CNOT6L: variants seen among roughly 807,000 people sequenced by gnomAD.
CNOT6L encodes CCR4-NOT transcription complex subunit 6-like.
In CNOT6L, 7 loss-of-function variants were observed where a neutral mutation model predicts 64.0. That is an observed-to-expected ratio of 0.11 (90% CI 0.06 to 0.21). The LOEUF (loss-of-function observed/expected upper bound fraction) is 0.21. CNOT6L is among the 10% of genes least tolerant of loss of function. The pLI is 1.00. For missense variants in CNOT6L, 245 were observed against 669.0 expected (o/e 0.37, Z 6.99); for synonymous variants, 193 against 243.4 (o/e 0.79, Z 1.93).
rs1160682604 is a variant in CNOT6L at position 77,715,994 on chromosome 4, CT to C, written c.*4436del. 3.9e-5 allele frequency: 6 copies of C among 152,508 alleles called. No individual in the cohort carries two copies. Among genetic ancestry groups the C allele is most frequent in the Admixed American group, 3.9e-4 (6 of 15,258 alleles). 9.4% of individuals were successfully genotyped at this position (152,508 alleles called of 1,614,324 possible). ...TTCTCATCTGCCTACAAATTTAAAA[CT>C]TTAGTTCAAGCTTCTGGCTTCCCTA... is the stretch of plus-strand genomic sequence containing the variant. On this transcript the variant is annotated 3_prime_UTR_variant, in exon 12 of 12. Coordinates refer to ENST00000504123, the MANE Select transcript of CNOT6L (RefSeq NM_144571.3).
intron 3 of CNOT6L, 114 bp from the exon 4 acceptor site, chr4:77,773,280 G>T: frequency 1.6e-6 from 1 of 626,432 alleles, no homozygotes; most frequent in Non-Finnish European, 2.7e-6. Context: ...TATATTCAAG[G>T]CACATTTCTA....
At chr4:77,817,837 G>GA (rs1302330560) in intron 1 of CNOT6L, among the ~76,000 whole-genome samples, 1 of 152,188 alleles carries the variant, frequency 6.6e-6, no homozygotes, top group African/African-American at 2.4e-5. Context: ...TACAAGGATC[G>GA]AAACTGTATT....
chr4:77,769,848 C>T (rs556701335), intron 4 of CNOT6L, among the ~76,000 whole-genome samples: 2 of 152,126 alleles, frequency 1.3e-5, no homozygotes, highest in African/African-American at 2.4e-5. Context: ...TAGTGAGGTC[C>T]TACATATTTT....
rs146090609 is a variant in CNOT6L, at chr4:77,758,222, T to C, written c.401-1271A>G. On this transcript the variant is annotated intron_variant, in intron 4 of 11. Coordinates refer to ENST00000504123, the MANE Select transcript of CNOT6L (RefSeq NM_144571.3). ...ATTAAGGTGTATACCTTTGTCAAAA[T>C]TAGTGAAACTGGATTTTAAATATTT... is the stretch of plus-strand genomic sequence containing the variant. 4.3e-3 allele frequency among the ~76,000 whole-genome samples: 648 copies of C among 152,236 alleles called. 7 individuals are homozygous for C. Among genetic ancestry groups the C allele is most frequent in the African/African-American group, 0.015 (624 of 41,536 alleles).
chr4:77,747,239 T>C (rs1375388551), intron 6 of CNOT6L, among the ~76,000 whole-genome samples: 2 of 152,188 alleles, frequency 1.3e-5, no homozygotes, highest in African/African-American at 2.4e-5. Context: ...CTTGGCTCAC[T>C]GTATGTAAAC....
chr4:77,795,592 T>C (rs1421572536), intron 1 of CNOT6L, among the ~76,000 whole-genome samples: 4 of 152,138 alleles, frequency 2.6e-5, no homozygotes, highest in African/African-American at 4.8e-5. Flanking sequence ...GTTCTTTCTG[T>C]CTCTCTCCTG....
At chr4:77,819,013 C>T (rs2110205605) in intron 1 of CNOT6L, 2 of 672,800 alleles carry the variant, frequency 3.0e-6, no homozygotes. Flanking sequence ...GCGGGAGGGA[C>T]ACGCCACTCT....
intron 1 of CNOT6L, among the ~76,000 whole-genome samples, chr4:77,787,537 C>A (rs941065733): frequency 1.3e-5 from 2 of 152,148 alleles, no homozygotes; most frequent in Non-Finnish European, 2.9e-5. Context: ...ATTACACTTA[C>A]CCCCAGTTTC....
At position 77,713,786 on chromosome 4, in the gene CNOT6L, T is replaced by C. The variant is rs1469000918; in HGVS notation, c.*6645A>G. 6.6e-6 allele frequency: 1 copy of C among 152,576 alleles called. No individual in the cohort carries two copies. The allele number at this position is 152,576 out of a possible 1,614,324, so 9.5% of individuals were successfully genotyped here. A position where few individuals can be genotyped will look rare whatever the true frequency, so the allele number is the denominator to read the frequency against. ...AATAGAAAAATAAAGCAGCTGGTGA[T>C]TTTGTCAGAGAGAATGTGTTCAGTA... On this transcript the variant is annotated 3_prime_UTR_variant, in exon 12 of 12. Coordinates refer to ENST00000504123, the MANE Select transcript of CNOT6L (RefSeq NM_144571.3).
At chr4:77,779,820 C>A (rs1198468577) in intron 1 of CNOT6L, among the ~76,000 whole-genome samples, 2 of 152,100 alleles carry the variant, frequency 1.3e-5, no homozygotes, top group Middle Eastern at 3.4e-3. Flanking sequence ...AAAAATTAGC[C>A]GGGTGTGGTC....
In CNOT6L at chr4:77,714,895, A is replaced by G. The variant is rs1308885151; in HGVS notation, c.*5536T>C. 1.3e-5 allele frequency: 2 copies of G among 152,620 alleles called. No homozygotes were observed. The highest frequency in any genetic ancestry group is 2.1e-4 in the South Asian group (1 of 4,836). 9.5% of individuals were successfully genotyped at this position (152,620 alleles called of 1,614,324 possible). ...GATTGAAACAAGCAGCAGGATACTA[A>G]GTCTGTTTGGTAAGAAGCAAAGCCA... On this transcript the variant is annotated 3_prime_UTR_variant, in exon 12 of 12. Coordinates refer to ENST00000504123, the MANE Select transcript of CNOT6L (RefSeq NM_144571.3).
chr4:77,818,074 G>A (rs1733770397), intron 1 of CNOT6L, among the ~76,000 whole-genome samples: 1 of 152,224 alleles, frequency 6.6e-6, no homozygotes, highest in South Asian at 2.1e-4. Context: ...AGACAACAGA[G>A]GTTGCTTGAT....
At chr4:77,806,379 C>G (rs553720355) in intron 1 of CNOT6L, among the ~76,000 whole-genome samples, 1 of 151,634 alleles carries the variant, frequency 6.6e-6, no homozygotes, top group African/African-American at 2.4e-5. Context: ...GAACCAAGAT[C>G]GTGCCACTGC....
chr4:77,787,958 A>T (rs1286673895), intron 1 of CNOT6L, among the ~76,000 whole-genome samples: 1 of 152,222 alleles, frequency 6.6e-6, no homozygotes, highest in Non-Finnish European at 1.5e-5. Flanking sequence ...TATGCCTTCA[A>T]TAAATCCTTT....
intron 5 of CNOT6L, among the ~76,000 whole-genome samples, chr4:77,752,927 A>G (rs928027316): frequency 6.6e-6 from 1 of 151,850 alleles, no homozygotes; most frequent in Non-Finnish European, 1.5e-5. Context: ...TTTTCAAAGA[A>G]AATATTAATA....
At chr4:77,771,975 A>T (rs909616126) in intron 4 of CNOT6L, among the ~76,000 whole-genome samples, 1 of 152,370 alleles carries the variant, frequency 6.6e-6, no homozygotes, top group East Asian at 1.9e-4. Flanking sequence ...ATGCTATGCC[A>T]TAAGAGAAAA....
chr4:77,816,935 C>A (rs1814033), intron 1 of CNOT6L, among the ~76,000 whole-genome samples: 131,148 of 152,190 alleles, frequency 0.86, 56,763 homozygotes, highest in Non-Finnish European at 0.9. Flanking sequence ...AGAGAAAATA[C>A]TAAAAATGGA....
intron 4 of CNOT6L, among the ~76,000 whole-genome samples, chr4:77,759,706 A>G (rs1725965930): frequency 6.6e-6 from 1 of 152,220 alleles, no homozygotes; most frequent in Non-Finnish European, 1.5e-5. Context: ...AGTTACACGA[A>G]TTGTAATTGA....
At chr4:77,780,742 T>C (rs778722505) in intron 1 of CNOT6L, among the ~76,000 whole-genome samples, 14 of 133,686 alleles carry the variant, frequency 1.0e-4, no homozygotes, top group Non-Finnish European at 1.8e-4. Context: ...TTTAATAAAT[T>C]TGTCTTTGGT....
Sources: allele counts gnomAD v4.1 joint callset (sites outside exome capture counted in the v4.1 genomes callset), GRCh38; gene constraint gnomAD v4.1.1; transcripts MANE v1.5; gene names NCBI Gene and HGNC (gene_info 2026-07-23, HGNC 2026-07-21).